KCTD10: variants seen among roughly 807,000 people sequenced by gnomAD.
KCTD10 encodes potassium channel tetramerization domain containing 10, also known as BTB/POZ domain-containing adapter for CUL3-mediated RhoA degradation protein 3.
A neutral mutation model predicts 34.6 loss-of-function variants in KCTD10; 13 were observed. The ratio of observed to expected loss-of-function variants is 0.38; its 90% confidence interval spans 0.24 to 0.60. The LOEUF (loss-of-function observed/expected upper bound fraction) is 0.60, where lower values mean the gene tolerates loss of function less well. Ranked by LOEUF, KCTD10 falls within the 20% of genes least tolerant of loss-of-function variation. KCTD10 has a pLI of 0.66. For synonymous variants in KCTD10, 156 were observed against 168.8 expected (o/e 0.92, Z 0.59); for missense variants, 256 against 420.3 (o/e 0.61, Z 3.42).
intron 2 of KCTD10, among the ~76,000 whole-genome samples, chr12:109,466,284 G>A (rs1179757115): frequency 6.6e-6 from 1 of 152,146 alleles, no homozygotes; most frequent in East Asian, 1.9e-4. Context: ...TTTACACTCA[G>A]AACAAAAGCC....
intron 1 of KCTD10, among the ~76,000 whole-genome samples, chr12:109,475,598 C>A (rs923421822): frequency 6.6e-6 from 1 of 152,176 alleles, no homozygotes; most frequent in African/African-American, 2.4e-5. Context: ...TTAAAAAGCT[C>A]TTTGGGGGAT....
At chr12:109,468,115 G>A (rs1274551258) in intron 2 of KCTD10, among the ~76,000 whole-genome samples, 2 of 152,184 alleles carry the variant, frequency 1.3e-5, no homozygotes, top group Non-Finnish European at 2.9e-5. Context: ...GCACAGCAAA[G>A]AGGATCCTCC....
chr12:109,455,817 A>T (rs1302991145), intron 6 of KCTD10, among the ~76,000 whole-genome samples: 1 of 152,200 alleles, frequency 6.6e-6, no homozygotes, highest in African/African-American at 2.4e-5. Flanking sequence ...GTCAAAGGAT[A>T]GGTCAAGCCT....
intron 1 of KCTD10, among the ~76,000 whole-genome samples, chr12:109,472,425 G>A (rs1034687967): frequency 6.6e-6 from 1 of 151,784 alleles, no homozygotes; most frequent in South Asian, 2.1e-4. Context: ...ACAGTAACAC[G>A]CATGGAACTG....
intron 4 of KCTD10, 140 bp from the exon 5 acceptor site, chr12:109,457,822 C>T: frequency 9.6e-7 from 1 of 1,046,802 alleles, no homozygotes; most frequent in African/African-American, 1.6e-5. Flanking sequence ...AGAGGGGGAC[C>T]ACATGACCCA....
intron 1 of KCTD10, chr12:109,470,730 T>C (rs1298902403): frequency 3.2e-6 from 1 of 317,206 alleles, no homozygotes; most frequent in African/African-American, 2.2e-5. Context: ...TCAGTCATCA[T>C]GTCCGGACAC....
At position 109,460,580 on chromosome 12, in the gene KCTD10, A is replaced by G. The variant is rs1873265017; in HGVS notation, c.387+56T>C. On this transcript the variant is annotated intron_variant, in intron 3 of 6. Coordinates refer to ENST00000228495, the MANE Select transcript of KCTD10 (RefSeq NM_031954.5). The surrounding 1 kb of genome is among the most constrained non-coding windows in gnomAD (Gnocchi z 4.5). ...CATTTTGCAGAGAGGGAAAATGAGGAAGGCAGGTAGGCTTGGTGCCTCTCC... is the reference window on the plus strand; with the variant it reads ...CATTTTGCAGAGAGGGAAAATGAGGGAGGCAGGTAGGCTTGGTGCCTCTCC... 1.3e-6 allele frequency: 2 copies of G among 1,540,152 alleles called. No individual in the cohort carries two copies. The highest frequency in any genetic ancestry group is 2.7e-5 in the African/African-American group (2 of 72,832).
chr12:109,469,950 G>A (rs1389360167), intron 1 of KCTD10: 31 of 1,246,134 alleles, frequency 2.5e-5, no homozygotes, highest in Non-Finnish European at 3.3e-5. Context: ...GGAACAACTG[G>A]TCAGAGCTGG....
chr12:109,464,500 G>A (rs55902232), intron 2 of KCTD10, among the ~76,000 whole-genome samples: 25,675 of 152,006 alleles, frequency 0.17, 2,194 homozygotes, highest in African/African-American at 0.18. Flanking sequence ...GATCAAGGAT[G>A]TAAGTGTAAA....
At chr12:109,467,051 G>T (rs1233442111) in intron 2 of KCTD10, among the ~76,000 whole-genome samples, 1 of 152,192 alleles carries the variant, frequency 6.6e-6, no homozygotes, top group Non-Finnish European at 1.5e-5. Context: ...TACCAGCCCA[G>T]GCCTTCACGA....
At chr12:109,473,288 G>T (rs111460893) in intron 1 of KCTD10, among the ~76,000 whole-genome samples, 16 of 152,018 alleles carry the variant, frequency 1.1e-4, no homozygotes, top group Non-Finnish European at 1.9e-4. Flanking sequence ...GAAAATAGTC[G>T]CGAGGTAAAG....
At position 109,449,372 on chromosome 12, in the gene KCTD10, T is replaced by G. The variant is rs1309932206; in HGVS notation, c.*2223A>C. The G allele has an allele frequency of 1.3e-5, 2 of 152,238 alleles. No individual in the cohort carries two copies. The highest frequency in any genetic ancestry group is 2.9e-5 in the Non-Finnish European group (2 of 68,050). 9.4% of individuals were successfully genotyped at this position (152,238 alleles called of 1,614,324 possible). ...AGAGCTGCCAGAAACACTAGCTCAT[T>G]AGGCATAGAGGCCACAGCAAATCAA... On this transcript the variant is annotated 3_prime_UTR_variant, in exon 7 of 7. Transcript: ENST00000228495.
rs773741362 is a variant in KCTD10 at position 109,456,098 on chromosome 12, T to C, written c.723+20A>G. On this transcript the variant is annotated intron_variant, in intron 6 of 6. Coordinates refer to ENST00000228495, the MANE Select transcript of KCTD10 (RefSeq NM_031954.5). The stretch of plus-strand genomic sequence containing the variant: ...GTGTTTCAGAACAGCCACTCCAAAC[T>C]GTCCTCTCGAGGCTCTTACCTTGGT... The C allele has an allele frequency of 8.7e-6, 14 of 1,612,990 alleles. No homozygotes were observed. In the Admixed American group the frequency reaches 2.3e-4, roughly 27 times the overall value.
Position 109,456,211 on chromosome 12 carries a change from T to A in KCTD10, c.630A>T (p.Glu210Asp). Residue 210 changes from glutamate (E) to aspartate (D), a missense_variant, in exon 6 of 7, where the codon GAA becomes GAT. Glu to Asp is a conservative substitution (Grantham distance 45, BLOSUM62 2). Transcript: ENST00000228495. ...GACCATAAAAGGACCAGCAGCAGAT[T>A]TCATCCCCAATAACATCCTTTATGA... Reference protein sequence around the residue: ...VLFIKDVIGDEICCWSFYGQG... With the variant: ...VLFIKDVIGDDICCWSFYGQG... 6.2e-7 allele frequency: 1 copy of A among 1,614,146 alleles called. No homozygotes were observed. Among genetic ancestry groups the A allele is most frequent in the Non-Finnish European group, 8.5e-7 (1 of 1,180,022 alleles).
At position 109,457,782 on chromosome 12, in the gene KCTD10, A is replaced by T; in HGVS notation, c.475-100T>A. 4 of 1,273,688 alleles carry T rather than the reference A, an allele frequency of 3.1e-6. No individual in the cohort carries two copies. In the South Asian group the frequency reaches 4.8e-5, roughly 15 times the overall value. The allele number at this position is 1,273,688 out of a possible 1,614,324, so 78.9% of individuals were successfully genotyped here. A position where few individuals can be genotyped will look rare whatever the true frequency, so the allele number is the denominator to read the frequency against. ...GGCTGGGGCCCTGCCCTGCATCAGA[A>T]GAGGCAGACAAGCATAGCTTGCTGG... On this transcript the variant is annotated intron_variant, in intron 4 of 6. Transcript: ENST00000228495.
At chr12:109,459,883 T>C (rs964017286) in intron 3 of KCTD10, among the ~76,000 whole-genome samples, 3 of 152,270 alleles carry the variant, frequency 2.0e-5, no homozygotes, top group African/African-American at 7.2e-5. Flanking sequence ...CTTGCAGCAC[T>C]ATTTGACTTC....
At chr12:109,469,803 C>T in intron 1 of KCTD10, 75 bp from the exon 2 acceptor site, 1 of 1,579,204 alleles carries the variant, frequency 6.3e-7, no homozygotes, top group Non-Finnish European at 8.6e-7. Context: ...TCAATCTGGC[C>T]TCCAGATGTG....
chr12:109,456,963 C>G (rs1163199166), intron 5 of KCTD10: 1 of 156,570 alleles, frequency 6.4e-6, no homozygotes, highest in African/African-American at 2.4e-5. Flanking sequence ...CATGAATGTT[C>G]ATAACAGCAT....
intron 6 of KCTD10, among the ~76,000 whole-genome samples, chr12:109,454,539 G>T (rs1224204290): frequency 1.3e-5 from 2 of 152,138 alleles, no homozygotes; most frequent in African/African-American, 4.8e-5. Context: ...GACCAGCCTG[G>T]GCAACATAGT....
Sources: allele counts gnomAD v4.1 joint callset (sites outside exome capture counted in the v4.1 genomes callset), GRCh38; gene constraint gnomAD v4.1.1; non-coding constraint Gnocchi (gnomAD v3.1); transcripts MANE v1.5; gene names NCBI Gene and HGNC (gene_info 2026-07-23, HGNC 2026-07-21).